Variants in MTUS2 observed in about 807,000 individuals in gnomAD.
The protein encoded by MTUS2 is microtubule associated scaffold protein 2, also known as microtubule-associated tumor suppressor candidate 2.
MTUS2 carries 40 observed loss-of-function variants against 114.1 expected under a neutral mutation model. The ratio of observed to expected loss-of-function variants is 0.35; its 90% CI spans 0.27 to 0.46. The LOEUF (loss-of-function observed/expected upper bound fraction) is 0.46, where lower values mean the gene tolerates loss of function less well. Among genes scored for constraint, MTUS2 ranks in the 20% least tolerant of loss-of-function variants. MTUS2 has a pLI of 1.00. For synonymous variants in MTUS2, 688 were observed against 672.0 expected (o/e 1.02, Z -0.37); for missense variants, 1,679 against 1,705.4 (o/e 0.98, Z 0.27).
At chr13:28,883,072 A>G (rs1878385957) in intron 2 of MTUS2, among the ~76,000 whole-genome samples, 1 of 152,212 alleles carries the variant, frequency 6.6e-6, no homozygotes, top group Non-Finnish European at 1.5e-5. Context: ...TTTACCCATT[A>G]GGGAAATGCA....
chr13:29,104,973 A>G (rs1324955226), intron 5 of MTUS2, among the ~76,000 whole-genome samples: 1 of 152,166 alleles, frequency 6.6e-6, no homozygotes, highest in Non-Finnish European at 1.5e-5. Flanking sequence ...GAAACATACT[A>G]TTACCTAATG....
intron 4 of MTUS2, among the ~76,000 whole-genome samples, chr13:29,092,208 T>C (rs1008454259): frequency 6.6e-6 from 1 of 152,234 alleles, no homozygotes; most frequent in East Asian, 1.9e-4. Context: ...AGAACCTCTC[T>C]TTCTGTTTGG....
intron 2 of MTUS2, among the ~76,000 whole-genome samples, chr13:28,939,986 C>T (rs1882136240): frequency 6.6e-6 from 1 of 152,158 alleles, no homozygotes; most frequent in African/African-American, 2.4e-5. Context: ...TCTCATGAGA[C>T]TTACTCACTA....
intron 3 of MTUS2, among the ~76,000 whole-genome samples, chr13:29,028,241 C>G (rs1219874572): frequency 6.6e-6 from 1 of 152,184 alleles, no homozygotes; most frequent in African/African-American, 2.4e-5. Flanking sequence ...GTCCCAGGAA[C>G]TGGGGAGGCT....
intron 2 of MTUS2, among the ~76,000 whole-genome samples, chr13:29,006,927 G>A (rs74045516): frequency 0.045 from 6,862 of 152,196 alleles, 313 homozygotes; most frequent in African/African-American, 0.12. Context: ...TGCCTGCTCA[G>A]CCCCTGGTGA....
chr13:29,299,268 C>G (rs912320127), intron 6 of MTUS2, among the ~76,000 whole-genome samples: 5 of 152,154 alleles, frequency 3.3e-5, no homozygotes, highest in African/African-American at 1.2e-4. Context: ...AGAAGGAAAG[C>G]CAGGAAGCAC....
intron 2 of MTUS2, among the ~76,000 whole-genome samples, chr13:28,853,076 A>G (rs1876397622): frequency 7.5e-6 from 1 of 132,484 alleles, no homozygotes; most frequent in African/African-American, 2.7e-5. Context: ...ATTCTAATCA[A>G]CAGTTACTTA....
chr13:29,439,904 G>T (rs757424396), intron 8 of MTUS2, 79 bp from the exon 9 acceptor site: 2 of 1,079,902 alleles, frequency 1.9e-6, no homozygotes, highest in African/African-American at 1.6e-5. Flanking sequence ...TGCTTAATAC[G>T]ATTCATTAAT....
At chr13:29,478,065 T>C (rs1880837928) in intron 9 of MTUS2, among the ~76,000 whole-genome samples, 1 of 152,202 alleles carries the variant, frequency 6.6e-6, no homozygotes, top group East Asian at 1.9e-4. Flanking sequence ...TTCAGAAACA[T>C]TCTACAAGAT....
intron 4 of MTUS2, among the ~76,000 whole-genome samples, chr13:29,063,598 G>C (rs1203270135): frequency 6.6e-6 from 1 of 151,938 alleles, no homozygotes; most frequent in African/African-American, 2.4e-5. Context: ...TTTCCTCTTT[G>C]GTCATTTTTT....
chr13:29,242,841 C>T (rs941572323), intron 5 of MTUS2: 2 of 144,986 alleles, frequency 1.4e-5, no homozygotes, highest in Non-Finnish European at 3.0e-5. Context: ...TAAATCCTCA[C>T]GATAGCATAT....
rs1428447731 is a variant in MTUS2, at chr13:29,025,415, G to A, written c.717G>A (p.Lys239=). The change falls in exon 3 of 16, where the codon AAG becomes AAA. Residue 239 remains lysine (K), a synonymous_variant. Transcript: ENST00000612955. ...CAACTGACAGTACCTCAGAGGGAAA[G>A]AGTGTGCGTCATCCTAAACCATCTA... ...FPATDSTSEG[K]SVRHPKPSTS... 2 of 1,613,762 alleles carry A rather than the reference G, an allele frequency of 1.2e-6. No homozygotes were observed. Among genetic ancestry groups the A allele is most frequent in the African/African-American group, 2.7e-5 (2 of 75,018 alleles).
intron 2 of MTUS2, among the ~76,000 whole-genome samples, chr13:28,877,939 T>C (rs1386933488): frequency 6.6e-6 from 1 of 152,168 alleles, no homozygotes; most frequent in East Asian, 1.9e-4. Context: ...TTTTATCATA[T>C]CCGAAAAATG....
rs562021713 is a variant in MTUS2, at chr13:28,860,411, C to T, written c.-243+20561C>T. Among the ~76,000 whole-genome samples, 4 of 152,248 alleles carry T rather than the reference C, an allele frequency of 2.6e-5. No individual in the cohort carries two copies. In the East Asian group the frequency reaches 5.8e-4, roughly 22 times the overall value. On this transcript the variant is annotated intron_variant, in intron 2 of 15. Coordinates refer to ENST00000612955, the MANE Select transcript of MTUS2 (RefSeq NM_001033602.4). ...GAGATGTCAGGTACCATCACCAGGCCGGAATGTGGGATTTGGAAAGGAGAC... is the reference window on the plus strand; with the variant it reads ...GAGATGTCAGGTACCATCACCAGGCTGGAATGTGGGATTTGGAAAGGAGAC...
At chr13:28,986,160 G>A (rs1380644333) in intron 2 of MTUS2, among the ~76,000 whole-genome samples, 1 of 152,006 alleles carries the variant, frequency 6.6e-6, no homozygotes, top group Non-Finnish European at 1.5e-5. Context: ...GGCTTGGGTG[G>A]TTGGGAGGAT....
At chr13:29,256,333 G>T (rs1897282255) in intron 5 of MTUS2, among the ~76,000 whole-genome samples, 1 of 152,190 alleles carries the variant, frequency 6.6e-6, no homozygotes, top group Non-Finnish European at 1.5e-5. Context: ...ATCTCATCCT[G>T]GGCTGGCTTA....
intron 12 of MTUS2, among the ~76,000 whole-genome samples, chr13:29,494,555 G>A (rs912037627): frequency 2.0e-5 from 3 of 151,918 alleles, no homozygotes; most frequent in Admixed American, 2.0e-4. Flanking sequence ...TTTGGTGTAG[G>A]AGCCATGGAG....
intron 5 of MTUS2, among the ~76,000 whole-genome samples, chr13:29,193,317 C>T (rs1894524343): frequency 6.6e-6 from 1 of 152,040 alleles, no homozygotes; most frequent in South Asian, 2.1e-4. Context: ...AGTGAAGTGC[C>T]TGAGGGCCAG....
At chr13:28,980,283 G>C (rs997999733) in intron 2 of MTUS2, among the ~76,000 whole-genome samples, 2 of 152,112 alleles carry the variant, frequency 1.3e-5, no homozygotes, top group Non-Finnish European at 2.9e-5. Flanking sequence ...TTTTTGAATA[G>C]GTAATACATT....
Sources: gnomAD v4.1 joint callset for allele counts (sites outside exome capture counted in the v4.1 genomes callset) on GRCh38, gnomAD v4.1.1 for gene constraint, MANE v1.5 for transcripts, NCBI Gene and HGNC (gene_info 2026-07-23, HGNC 2026-07-21) for gene names.